The following TMEM25 variants were observed in gnomAD, a reference collection of about 807,000 sequenced individuals.
The protein encoded by TMEM25 is 0610039J01Rik.
In TMEM25, 36 loss-of-function variants were observed where a neutral mutation model predicts 37.0. That is an observed-to-expected ratio of 0.97 (90% CI 0.75 to 1.28). TMEM25 has a LOEUF of 1.28. Among genes scored for constraint, TMEM25 ranks in the 50% most tolerant of loss-of-function variants. The probability of loss-of-function intolerance (pLI) is 0.00; values close to 1 mark genes in which losing one functional copy is unlikely to be tolerated. For synonymous variants in TMEM25, 197 were observed against 203.7 expected (o/e 0.97, Z 0.28); for missense variants, 444 against 477.9 (o/e 0.93, Z 0.66).
intron 4 of TMEM25, 71 bp from the exon 5 acceptor site, chr11:118,533,349 G>A: frequency 1.2e-6 from 2 of 1,604,310 alleles, no homozygotes; most frequent in Non-Finnish European, 1.7e-6. Context: ...AAGGAGGGCA[G>A]AGTAGTACCT....
rs1555061989 is a variant in TMEM25, at chr11:118,534,364, G to A, written c.1027+9G>A. 1 of 1,613,414 alleles carries A rather than the reference G, an allele frequency of 6.2e-7. No individual in the cohort carries two copies. The highest frequency in any genetic ancestry group is 1.3e-5 in the African/African-American group (1 of 74,902). On this transcript the variant is annotated intron_variant, in intron 8 of 8. Transcript: ENST00000313236. The surrounding 1 kb of genome is among the most constrained non-coding windows in gnomAD (Gnocchi z 4.6). ...CCTCCTCACCAGCCAAGGTACTGGG[G>A]AAGGGGCCTGCCACCCTCCTCCTCT...
At chr11:118,533,800 A>G in intron 5 of TMEM25, 57 bp from the exon 6 acceptor site, 2 of 1,612,694 alleles carry the variant, frequency 1.2e-6, no homozygotes, top group South Asian at 1.1e-5. Flanking sequence ...AAAGGGTAGG[A>G]CAGCCCAGCG....
At chr11:118,545,216 C>CT (rs45461900) in intron 8 of TMEM25, among the ~76,000 whole-genome samples, 4 of 151,798 alleles carry the variant, frequency 2.6e-5, no homozygotes, top group African/African-American at 4.8e-5. Context: ...TCCACCCACC[C>CT]TTTTTTTTCC....
In TMEM25 at chr11:118,534,957, C is replaced by T; in HGVS notation, c.*377C>T. The T allele has an allele frequency of 1.8e-6, 2 of 1,095,728 alleles. No homozygotes were observed. Among genetic ancestry groups the T allele is most frequent in the Non-Finnish European group, 2.2e-6 (2 of 897,458 alleles). The allele number at this position is 1,095,728 out of a possible 1,614,324, so 67.9% of individuals were successfully genotyped here. ...CCCCAGTACTCCACAGCACCTTGTA[C>T]AGTAGGCATGGGGGCGTGCCTGTGT... is the stretch of plus-strand genomic sequence containing the variant. On this transcript the variant is annotated 3_prime_UTR_variant, in exon 9 of 9. Transcript: ENST00000313236. This position sits in a 1 kb window ranked among gnomAD's most constrained non-coding sequence, Gnocchi z 4.6.
intron 8 of TMEM25, chr11:118,545,796 A>G: frequency 3.1e-6 from 5 of 1,614,128 alleles, no homozygotes; most frequent in Non-Finnish European, 4.2e-6. Context: ...AACTCACCAC[A>G]GATCATGTCA....
rs373582880 is a variant in TMEM25, at chr11:118,533,116, G to C, written c.582G>C (p.Thr194=). The C allele has an allele frequency of 3.7e-6, 6 of 1,613,282 alleles. No individual in the cohort carries two copies. Among genetic ancestry groups the C allele is most frequent in the Non-Finnish European group, 5.1e-6 (6 of 1,180,008 alleles). ...ACTACCCCTGGCTCACCAACCACAC[G>C]GTGCAGCTGCAGCTCCGCAGCCTGG... is the stretch of plus-strand genomic sequence containing the variant. The part of the protein sequence containing the change: ...AQNYPWLTNH[T]VQLQLRSLAH... Residue 194 remains threonine, a synonymous_variant, in exon 4 of 9, where the codon ACG becomes ACC. Transcript: ENST00000313236.
In TMEM25 at chr11:118,533,405, G is replaced by T; in HGVS notation, c.674-15G>T. The T allele has an allele frequency of 6.2e-7, 1 of 1,613,120 alleles. No homozygotes were observed. The highest frequency in any genetic ancestry group is 1.1e-5 in the South Asian group (1 of 90,978). Reference sequence around the variant, plus strand: ...CACTACCCACTTGGGACCTGACACAGAGGACATCCTCCAGGGCTTCTGGCT... The same window carrying T: ...CACTACCCACTTGGGACCTGACACATAGGACATCCTCCAGGGCTTCTGGCT... On this transcript the variant is annotated splice_polypyrimidine_tract_variant and intron_variant, in intron 4 of 8. Transcript: ENST00000313236.
At chr11:118,531,605 G>C in intron 1 of TMEM25, 170 bp from the exon 2 acceptor site, 2 of 593,994 alleles carry the variant, frequency 3.4e-6, no homozygotes, top group East Asian at 2.8e-5. Flanking sequence ...CTGCTGGGTG[G>C]GTCTGTGCCT....
Position 118,533,549 on chromosome 11 carries a change from A to G in TMEM25, c.803A>G (p.Lys268Arg). The stretch of plus-strand genomic sequence containing the variant: ...GTCTGCAGAAAAGAGAAGAAAACCA[A>G]AGGTAGGCCAGGGACACTGGGGGCA... ...CLVCRKEKKT[K>R]GPSRHPSLIS... The change falls in exon 5 of 9, where the codon AAA becomes AGA. Residue 268 changes from lysine (K) to arginine (R), a missense_variant and splice_region_variant. Transcript: ENST00000313236. 6.2e-7 allele frequency: 1 copy of G among 1,613,718 alleles called. No homozygotes were observed. The highest frequency in any genetic ancestry group is 8.5e-7 in the Non-Finnish European group (1 of 1,179,826).
chr11:118,532,423 G>A lies in TMEM25; in HGVS notation c.344G>A (p.Gly115Asp). 6.2e-7 allele frequency: 1 copy of A among 1,613,386 alleles called. No homozygotes were observed. The highest frequency in any genetic ancestry group is 2.2e-5 in the East Asian group (1 of 44,838). The change falls in exon 3 of 9, where the codon GGC becomes GAC. Residue 115 changes from glycine (G) to aspartate (D), a missense_variant. Physicochemically the swap from Gly to Asp is moderately conservative, Grantham distance 94 (BLOSUM62 -1). Coordinates refer to ENST00000313236, the MANE Select transcript of TMEM25 (RefSeq NM_032780.4). ...TGCTCTCTGCAGGACCCCAGAAGTG[G>A]CCGATCAGCCAACGCCTCTGTCATC... ...LNCSLQDPRS[G>D]RSANASVILN...
chr11:118,540,387 C>T (rs1457613325), downstream of TMEM25, among the ~76,000 whole-genome samples: 1 of 152,246 alleles, frequency 6.6e-6, no homozygotes, highest in Non-Finnish European at 1.5e-5. Flanking sequence ...CTAGCCTCTA[C>T]TGATTTTGCG....
chr11:118,532,927 G>T lies in TMEM25; in HGVS notation c.393G>T (p.Glu131Asp). The T allele has an allele frequency of 6.2e-7, 1 of 1,613,314 alleles. No individual in the cohort carries two copies. Residue 131 changes from glutamate (E) to aspartate (D), a missense_variant, in exon 4 of 9, where the codon GAG becomes GAT. By Grantham distance (45) the Glu-to-Asp change is conservative. Transcript: ENST00000313236. Reference sequence around the variant, plus strand: ...TCTGCTTTGTACCAGTCAAGCCAGAGATTGCCCAAGTCGGCGCCAAGTACC... The same window carrying T: ...TCTGCTTTGTACCAGTCAAGCCAGATATTGCCCAAGTCGGCGCCAAGTACC... ...SVILNVQFKP[E>D]IAQVGAKYQE...
downstream of TMEM25, among the ~76,000 whole-genome samples, chr11:118,536,917 C>T (rs181638438): frequency 6.6e-5 from 10 of 152,316 alleles, 1 homozygote; most frequent in African/African-American, 2.4e-4. Context: ...CTCTATGACT[C>T]AGGCTGGAGT....
At position 118,532,930 on chromosome 11, in the gene TMEM25, T is replaced by G; in HGVS notation, c.396T>G (p.Ile132Met). The change falls in exon 4 of 9, where the codon ATT becomes ATG. Residue 132 changes from isoleucine to methionine, a missense_variant. By Grantham distance (10) the Ile-to-Met change is conservative (BLOSUM62 1). Coordinates refer to ENST00000313236, the MANE Select transcript of TMEM25 (RefSeq NM_032780.4). ...GCTTTGTACCAGTCAAGCCAGAGAT[T>G]GCCCAAGTCGGCGCCAAGTACCAGG... ...VILNVQFKPE[I>M]AQVGAKYQEA... 3.7e-6 allele frequency: 6 copies of G among 1,613,368 alleles called. No individual in the cohort carries two copies. The highest frequency in any genetic ancestry group is 1.7e-4 in the Middle Eastern group (1 of 6,060).
At position 118,535,058 on chromosome 11, in the gene TMEM25, G is replaced by A. The variant is rs1182863457; in HGVS notation, c.*478G>A. The A allele has an allele frequency of 7.8e-6, 8 of 1,023,730 alleles. No homozygotes were observed. The highest frequency in any genetic ancestry group is 9.4e-6 in the Non-Finnish European group (8 of 853,832). The allele number at this position is 1,023,730 out of a possible 1,614,324, so 63.4% of individuals were successfully genotyped here. ...GCCTTGTTCCCTCAGGTAAAATTTA[G>A]GACCCTGCTAGCTGTGCAGAACCCA... On this transcript the variant is annotated 3_prime_UTR_variant, in exon 9 of 9. Transcript: ENST00000313236.
In TMEM25 at chr11:118,533,530, A is replaced by C. The variant is rs1555061028; in HGVS notation, c.784A>C (p.Arg262=). ...CACCTTGGTGGCCTGCCTGGTCTGC[A>C]GAAAAGAGAAGAAAACCAAAGGTAG... ...FSTLVACLVC[R]KEKKTKGPSR... Residue 262 remains arginine, a synonymous_variant, in exon 5 of 9, where the codon AGA becomes CGA. Transcript: ENST00000313236. 1 of 1,614,138 alleles carries C rather than the reference A, an allele frequency of 6.2e-7. No individual in the cohort carries two copies. The highest frequency in any genetic ancestry group is 1.7e-5 in the Admixed American group (1 of 60,032).
intron 8 of TMEM25, among the ~76,000 whole-genome samples, chr11:118,543,694 C>T (rs1555066292): frequency 6.6e-6 from 1 of 152,074 alleles, no homozygotes; most frequent in East Asian, 1.9e-4. Context: ...ACCATGTTGG[C>T]CAGGCCAGTC....
At chr11:118,545,745 A>AGT (rs781882984) in intron 8 of TMEM25, 2 of 1,565,608 alleles carry the variant, frequency 1.3e-6, no homozygotes, top group Non-Finnish European at 1.8e-6. Context: ...AAAAGCCTAG[A>AGT]GTGTCTCTAT....
chr11:118,539,723 C>A (rs959035514), downstream of TMEM25, among the ~76,000 whole-genome samples: 1 of 151,744 alleles, frequency 6.6e-6, no homozygotes, highest in Admixed American at 6.6e-5. Context: ...GTGATTTTTT[C>A]TTTATTTTAA....
Sources: gnomAD v4.1 joint callset for allele counts (sites outside exome capture counted in the v4.1 genomes callset) on GRCh38, gnomAD v4.1.1 for gene constraint, Gnocchi (gnomAD v3.1) non-coding constraint, MANE v1.5 for transcripts, NCBI Gene and HGNC (gene_info 2026-07-23, HGNC 2026-07-21) for gene names.